JAK2: variants seen among roughly 807,000 people sequenced by gnomAD.
The protein encoded by JAK2 is Janus kinase 2.
Under a neutral mutation model 139.3 loss-of-function variants are expected in JAK2, and 86 were observed. That is an observed-to-expected ratio of 0.62 (90% CI 0.52 to 0.74). JAK2 has a LOEUF of 0.74. Among genes scored for constraint, JAK2 ranks in the 30% least tolerant of loss-of-function variants. The pLI is 0.00. For synonymous variants in JAK2, 490 were observed against 437.7 expected, an observed-to-expected ratio of 1.12 and a Z score of -1.49; for missense variants, 1,421 against 1,360.3, an observed-to-expected ratio of 1.04 and a Z score of -0.70.
intron 22 of JAK2, chr9:5,111,931 A>G (rs531784698): frequency 5.7e-6 from 2 of 349,236 alleles, no homozygotes; most frequent in African/African-American, 4.4e-5. Context: ...TACTCTCCGG[A>G]TCACTCAAGC....
At position 5,022,007 on chromosome 9, in the gene JAK2, C is replaced by T. The variant is rs770579392; in HGVS notation, c.20C>T (p.Thr7Met). MGMACL[T>M]MTEMEGTSTS... ...CTCTGCATGGGAATGGCCTGCCTTA[C>T]GATGACAGAAATGGAGGGAACATCC... Residue 7 changes from threonine (T) to methionine (M), a missense_variant, in exon 3 of 25, where the codon ACG becomes ATG. By Grantham distance (81) the Thr-to-Met change is moderately conservative. Coordinates refer to ENST00000381652, the MANE Select transcript of JAK2 (RefSeq NM_004972.4). 29 of 1,613,574 alleles carry T rather than the reference C, an allele frequency of 1.8e-5. No homozygotes were observed. Among genetic ancestry groups the T allele is most frequent in the Admixed American group, 3.3e-5 (2 of 60,002 alleles).
chr9:5,011,092 T>C (rs1821672433), intron 2 of JAK2, among the ~76,000 whole-genome samples: 1 of 152,236 alleles, frequency 6.6e-6, no homozygotes, highest in South Asian at 2.1e-4. Flanking sequence ...GTGACTTAAG[T>C]ATGGATTTGT....
At chr9:5,041,293 C>T in intron 4 of JAK2, 2 of 947,966 alleles carry the variant, frequency 2.1e-6, no homozygotes, top group Non-Finnish European at 3.3e-6. Context: ...ACACTGGTCT[C>T]AGGACCAAGA....
intron 2 of JAK2, 73 bp from the exon 3 acceptor site, chr9:5,021,890 C>T (rs1822454623): frequency 1.6e-5 from 14 of 850,572 alleles, no homozygotes; most frequent in Middle Eastern, 2.3e-4. Context: ...GCCTCGGCCC[C>T]GCAAAGTGCT....
At chr9:5,080,106 C>A in intron 16 of JAK2, 123 bp from the exon 17 acceptor site, 1 of 729,336 alleles carries the variant, frequency 1.4e-6, no homozygotes, top group Non-Finnish European at 2.2e-6. Context: ...CACATCCAAC[C>A]CCTCCAAAAT....
At chr9:5,124,589 CTAA>C (rs769957149) in intron 23 of JAK2, among the ~76,000 whole-genome samples, 3 of 151,762 alleles carry the variant, frequency 2.0e-5, no homozygotes, top group South Asian at 2.1e-4. Flanking sequence ...AAAAAGAGCC[CTAA>C]TAGCAAAAGC....
At chr9:5,048,365 A>G (rs1387110678) in intron 5 of JAK2, among the ~76,000 whole-genome samples, 3 of 151,926 alleles carry the variant, frequency 2.0e-5, no homozygotes, top group East Asian at 3.9e-4. Flanking sequence ...CTGGTCTCGA[A>G]CTCCTGACCT....
At chr9:5,093,656 A>G (rs187311089) in intron 22 of JAK2, among the ~76,000 whole-genome samples, 85 of 152,314 alleles carry the variant, frequency 5.6e-4, no homozygotes, top group Non-Finnish European at 1.1e-3. Context: ...CGAACAACCT[A>G]AACTAAGACC....
At chr9:5,093,609 A>T (rs1294011298) in intron 22 of JAK2, among the ~76,000 whole-genome samples, 3 of 152,190 alleles carry the variant, frequency 2.0e-5, no homozygotes, top group African/African-American at 7.2e-5. Flanking sequence ...TGCATTAAAA[A>T]TTTTGGTTGG....
intron 8 of JAK2, among the ~76,000 whole-genome samples, chr9:5,059,290 T>G (rs1254712258): frequency 6.6e-6 from 1 of 152,204 alleles, no homozygotes; most frequent in Non-Finnish European, 1.5e-5. Flanking sequence ...TATCTATTAA[T>G]AAAGGTTGTA....
chr9:5,041,300 A>C (rs1030548326), intron 4 of JAK2: 56 of 867,212 alleles, frequency 6.5e-5, no homozygotes, highest in Non-Finnish European at 9.9e-5. Flanking sequence ...TCTCAGGACC[A>C]AGAAGCACAT....
At position 5,030,233 on chromosome 9, in the gene JAK2, G is replaced by A. The variant is rs58026995; in HGVS notation, c.350+327G>A. Among the ~76,000 whole-genome samples the A allele has an allele frequency of 1.2e-4, 18 of 152,210 alleles. No homozygotes were observed. The East Asian group carries it at 3.1e-3, about 26-fold the overall frequency. On this transcript the variant is annotated intron_variant, in intron 4 of 24. Transcript: ENST00000381652. The stretch of plus-strand genomic sequence containing the variant: ...TTGGGATATTGCTGGTTTGTGCAGC[G>A]TTTTGTGCAATAGAATGCAATTTCA...
At chr9:5,006,924 T>C (rs1821344164) in intron 2 of JAK2, among the ~76,000 whole-genome samples, 2 of 152,346 alleles carry the variant, frequency 1.3e-5, no homozygotes, top group East Asian at 1.9e-4. Flanking sequence ...AATTGGAGAA[T>C]ATTCCTGTTG....
intron 4 of JAK2, among the ~76,000 whole-genome samples, chr9:5,033,198 A>G (rs1823301419): frequency 1.3e-5 from 2 of 152,188 alleles, no homozygotes; most frequent in African/African-American, 4.8e-5. Context: ...TTTAGAGAAA[A>G]AGGAATAAAA....
intron 4 of JAK2, among the ~76,000 whole-genome samples, chr9:5,030,519 G>A (rs1404980032): frequency 1.3e-5 from 2 of 152,038 alleles, no homozygotes; most frequent in East Asian, 1.9e-4. Flanking sequence ...TTCATGAGGT[G>A]TTAAGATTTC....
rs543606211 is a variant in JAK2, at chr9:5,123,888, C to CT, written c.3177+779dup. Among the ~76,000 whole-genome samples the CT allele has an allele frequency of 7.7e-3, 1,100 of 142,092 alleles. 12 individuals carry two copies. The highest frequency in any genetic ancestry group is 0.021 in the African/African-American group (813 of 38,956). The allele number at this position is 142,092 out of a possible 152,430, so 93.2% of individuals were successfully genotyped here. ...ATATCTCACTGGGGTAATTTTTTCTCTTTTTTTTTTTTGTCATTCTGACTG... is the reference window on the plus strand; with the variant it reads ...ATATCTCACTGGGGTAATTTTTTCTCTTTTTTTTTTTTTGTCATTCTGACTG... On this transcript the variant is annotated intron_variant, in intron 23 of 24. Transcript: ENST00000381652.
chr9:5,058,294 G>C (rs541100805), intron 8 of JAK2, among the ~76,000 whole-genome samples: 2 of 152,100 alleles, frequency 1.3e-5, no homozygotes, highest in African/African-American at 2.4e-5. Context: ...CTCGCAGTTC[G>C]GCATGGCTGG....
intron 22 of JAK2, chr9:5,098,619 C>G (rs1411321666): frequency 6.6e-6 from 1 of 152,108 alleles, no homozygotes; most frequent in African/African-American, 2.4e-5. Context: ...ATAATCCTTC[C>G]CTTACTGTCA....
intron 3 of JAK2, 108 bp from the exon 4 acceptor site, chr9:5,029,675 G>T: frequency 1.0e-6 from 1 of 970,390 alleles, no homozygotes; most frequent in Non-Finnish European, 1.5e-6. Context: ...ATTACATTTT[G>T]TTCCGATTTT....
Sources: gnomAD v4.1 joint callset for allele counts (sites outside exome capture counted in the v4.1 genomes callset) on GRCh38, gnomAD v4.1.1 for gene constraint, MANE v1.5 for transcripts, NCBI Gene and HGNC (gene_info 2026-07-23, HGNC 2026-07-21) for gene names.